ADNP: variants seen among roughly 807,000 people sequenced by gnomAD.
ADNP encodes the protein activity dependent neuroprotector homeobox, also known as activity-dependent neuroprotector homeobox protein.
A neutral mutation model predicts 84.9 loss-of-function variants in ADNP; 4 were observed. That is an observed-to-expected ratio of 0.05 (90% CI 0.02 to 0.11). ADNP has a LOEUF of 0.11. Among genes scored for constraint, ADNP ranks in the 10% least tolerant of loss-of-function variants. ADNP has a pLI of 1.00. For synonymous variants in ADNP, 554 were observed against 468.1 expected (o/e 1.18, Z -2.37); for missense variants, 1,132 against 1,326.0 (o/e 0.85, Z 2.27).
Position 50,891,921 on chromosome 20 carries a change from C to G in ADNP, c.2793G>C (p.Glu931Asp). ...SESEEKLDQKEDGSKYETIHL... is the reference protein window; with the variant it reads ...SESEEKLDQKDDGSKYETIHL... ...GAATAGTTTCGTATTTTGAACCATC[C>G]TCTTTTTGGTCTAGCTTCTCCTCAG... The change falls in exon 6 of 6, where the codon GAG (glutamate) becomes GAC (aspartate). Residue 931 changes from glutamate (E) to aspartate (D), a missense_variant. Physicochemically the swap from Glu to Asp is conservative, Grantham distance 45. Transcript: ENST00000621696. The G allele has an allele frequency of 6.2e-7, 1 of 1,614,206 alleles. No individual in the cohort carries two copies. The highest frequency in any genetic ancestry group is 8.5e-7 in the Non-Finnish European group (1 of 1,180,044).
In ADNP at chr20:50,894,895, C is replaced by CA. The variant is rs200789710; in HGVS notation, c.202-384dup. On this transcript the variant is annotated intron_variant, in intron 5 of 5. Transcript: ENST00000621696. ...CTGGGCGACAAGAGCGAAACTGTCTCAAAAAAAAGCACTGATTTTAGTATG... is the reference window on the plus strand; with the variant it reads ...CTGGGCGACAAGAGCGAAACTGTCTCAAAAAAAAAGCACTGATTTTAGTATG... Among the ~76,000 whole-genome samples, 336 of 150,624 alleles carry CA rather than the reference C, an allele frequency of 2.2e-3. 3 individuals are homozygous for CA. The East Asian group carries it at 0.024, about 11-fold the overall frequency.
intron 3 of ADNP, chr20:50,904,351 G>T (rs896387554): frequency 6.4e-5 from 12 of 188,296 alleles, no homozygotes; most frequent in African/African-American, 2.8e-4. Context: ...AAGAGGAAGG[G>T]ACTCCAGGAG....
At chr20:50,919,012 G>C (rs1486722299) in intron 2 of ADNP, among the ~76,000 whole-genome samples, 1 of 152,140 alleles carries the variant, frequency 6.6e-6, no homozygotes, top group East Asian at 1.9e-4. Context: ...GTTCATCACA[G>C]GTGATTTCAG....
intron 2 of ADNP, among the ~76,000 whole-genome samples, chr20:50,919,726 C>G (rs772140463): frequency 6.6e-6 from 1 of 152,180 alleles, no homozygotes; most frequent in Non-Finnish European, 1.5e-5. Context: ...TCTGCATTTA[C>G]TGCAAAAGAC....
intron 2 of ADNP, among the ~76,000 whole-genome samples, chr20:50,909,225 A>G (rs550141470): frequency 6.6e-6 from 1 of 152,004 alleles, no homozygotes; most frequent in African/African-American, 2.4e-5. Flanking sequence ...TTAGCTGGGC[A>G]TGGTGGCACA....
chr20:50,894,868 G>T (rs1262004252), intron 5 of ADNP, among the ~76,000 whole-genome samples: 14 of 152,164 alleles, frequency 9.2e-5, no homozygotes, highest in Non-Finnish European at 1.8e-4. Context: ...TTGCACTCCA[G>T]CCTGGGCGAC....
intron 1 of ADNP, 113 bp from the exon 2 acceptor site, chr20:50,928,938 TAATG>T (rs1292851819): frequency 2.0e-5 from 3 of 152,224 alleles, no homozygotes; most frequent in Non-Finnish European, 4.4e-5. Flanking sequence ...GCTGCTGAGA[TAATG>T]AATGGCAATT....
At chr20:50,920,538 C>T (rs553138937) in intron 2 of ADNP, among the ~76,000 whole-genome samples, 1 of 151,020 alleles carries the variant, frequency 6.6e-6, no homozygotes, top group Admixed American at 6.6e-5. Flanking sequence ...CCACTGCACT[C>T]CAGCCTGGAC....
chr20:50,922,519 G>C (rs1303343956), intron 2 of ADNP, among the ~76,000 whole-genome samples: 2 of 151,612 alleles, frequency 1.3e-5, no homozygotes, highest in South Asian at 2.1e-4. Context: ...CCTCTCTGGG[G>C]GCGCCACCCT....
Position 50,892,552 on chromosome 20 carries a change from T to A in ADNP, c.2162A>T (p.Gln721Leu), listed in dbSNP as rs2122746397. The change falls in exon 6 of 6, where the codon CAA (glutamine) becomes CTA (leucine). Residue 721 changes from glutamine (Q) to leucine (L), a missense_variant. By Grantham distance (113) the Gln-to-Leu change is moderately radical. Around this residue, in one of 10 missense-constraint regions of ADNP, gnomAD observed 101 missense variants for 78.5 expected, o/e 1.29. Coordinates refer to ENST00000621696, the MANE Select transcript of ADNP (RefSeq NM_001282531.3). ...TTTTTTCAGTAAGGGAAATTCCATTTGCTCGTAAGTGCGCTTCACAGGTGC... is the reference window on the plus strand; with the variant it reads ...TTTTTTCAGTAAGGGAAATTCCATTAGCTCGTAAGTGCGCTTCACAGGTGC... ...SLAPVKRTYEQMEFPLLKKRK... is the reference protein window; with the variant it reads ...SLAPVKRTYELMEFPLLKKRK... 5 of 1,614,242 alleles carry A rather than the reference T, an allele frequency of 3.1e-6. No homozygotes were observed. In the East Asian group the frequency reaches 1.1e-4, roughly 36 times the overall value.
At chr20:50,914,292 T>TG in intron 2 of ADNP, 1 of 698,966 alleles carries the variant, frequency 1.4e-6, no homozygotes, top group South Asian at 1.6e-5. Context: ...GCAAAACTGC[T>TG]GGTGTCCCAA....
At chr20:50,922,263 AGT>A (rs1286829603) in intron 2 of ADNP, among the ~76,000 whole-genome samples, 4 of 152,114 alleles carry the variant, frequency 2.6e-5, no homozygotes, top group African/African-American at 9.7e-5. Context: ...ACCTGGATAC[AGT>A]GTCATATTCC....
Position 50,931,173 on chromosome 20 carries a change from A to G in ADNP, c.-612T>C, listed in dbSNP as rs1984733069. On this transcript the variant is annotated 5_prime_UTR_variant, in exon 1 of 6. Transcript: ENST00000621696. Reference sequence around the variant, plus strand: ...CTCAGCAGCGGGGACCGAGAGAGGGAGCTGTGTCTGAGAAGACGCCAAAAT... The same window carrying G: ...CTCAGCAGCGGGGACCGAGAGAGGGGGCTGTGTCTGAGAAGACGCCAAAAT... The G allele has an allele frequency of 2.7e-5, 4 of 145,530 alleles. No homozygotes were observed. Among genetic ancestry groups the G allele is most frequent in the Non-Finnish European group, 4.5e-5 (3 of 66,102 alleles). 9.0% of individuals were successfully genotyped at this position (145,530 alleles called of 1,614,324 possible).
Position 50,894,279 on chromosome 20 carries a change from A to G in ADNP, c.435T>C (p.Asp145=). ...APSSSLSTFK[D]KNKNDGLKPK... is the part of the protein sequence containing the mutation. ...GTTTAAGGCCATCATTTTTGTTTTT[A>G]TCTTTGAAAGTGCTGAGGCTGCTAC... The change falls in exon 6 of 6, where the codon GAT becomes GAC. Residue 145 remains aspartate, a synonymous_variant. Transcript: ENST00000621696. 3 of 1,613,600 alleles carry G rather than the reference A, an allele frequency of 1.9e-6. No individual in the cohort carries two copies. Among genetic ancestry groups the G allele is most frequent in the Non-Finnish European group, 2.5e-6 (3 of 1,179,876 alleles).
rs772698299 is a variant in ADNP at position 50,893,486 on chromosome 20, G to A, written c.1228C>T (p.Pro410Ser). The A allele has an allele frequency of 1.9e-6, 3 of 1,613,958 alleles. No homozygotes were observed. In the Admixed American group the frequency reaches 5.0e-5, roughly 27 times the overall value. ...SSLSSGQLKSPSLSQSQASRV... is the reference protein window; with the variant it reads ...SSLSSGQLKSSSLSQSQASRV... ...GATGCCTGTGACTGAGAGAGGGAAG[G>A]AGACTTTAACTGGCCCGATGAGAGA... Residue 410 changes from proline to serine, a missense_variant, in exon 6 of 6, where the codon CCT (proline) becomes TCT (serine). Physicochemically the swap from Pro to Ser is moderately conservative, Grantham distance 74 (BLOSUM62 -1). Around this residue, in one of 10 missense-constraint regions of ADNP, gnomAD observed 239 missense variants for 213.2 expected, o/e 1.12. Transcript: ENST00000621696. This position sits in a 1 kb window ranked among gnomAD's most constrained non-coding sequence, Gnocchi z 4.4.
intron 1 of ADNP, 129 bp downstream of exon 1, chr20:50,930,697 G>A (rs1984662400): frequency 6.6e-6 from 1 of 152,462 alleles, no homozygotes; most frequent in Non-Finnish European, 1.5e-5. Flanking sequence ...GTGTGCGGCT[G>A]GAGGGCGGCG....
Position 50,892,049 on chromosome 20 carries a change from T to A in ADNP, c.2665A>T (p.Ser889Cys). The change falls in exon 6 of 6, where the codon AGT (serine) becomes TGT (cysteine). Residue 889 changes from serine to cysteine, a missense_variant. Transcript: ENST00000621696. ...FENLEEESNE[S>C]GSPFDPVFEV... ...AAAACAGGGTCAAAAGGGCTACCAC[T>A]TTCATTGGATTCTTCTTCCAAATTT... The A allele has an allele frequency of 6.2e-7, 1 of 1,614,210 alleles. No homozygotes were observed. The highest frequency in any genetic ancestry group is 8.5e-7 in the Non-Finnish European group (1 of 1,180,032).
intron 5 of ADNP, among the ~76,000 whole-genome samples, chr20:50,895,868 G>A (rs760677004): frequency 1.3e-5 from 2 of 152,198 alleles, no homozygotes; most frequent in East Asian, 1.9e-4. Context: ...TCAGCTTGCT[G>A]TGGTTTATAC....
In ADNP at chr20:50,892,943, G is replaced by A. The variant is rs771870178; in HGVS notation, c.1771C>T (p.Pro591Ser). The A allele has an allele frequency of 3.7e-6, 6 of 1,614,068 alleles. No homozygotes were observed. Among genetic ancestry groups the A allele is most frequent in the Non-Finnish European group, 4.2e-6 (5 of 1,180,048 alleles). The change falls in exon 6 of 6, where the codon CCA (proline) becomes TCA (serine). Residue 591 changes from proline to serine, a missense_variant. Around this residue, in one of 10 missense-constraint regions of ADNP, gnomAD observed 53 missense variants for 39.8 expected, o/e 1.33. Coordinates refer to ENST00000621696, the MANE Select transcript of ADNP (RefSeq NM_001282531.3). ...YHAQNNPPVPPKPQPKVQEKA... is the reference protein window; with the variant it reads ...YHAQNNPPVPSKPQPKVQEKA... Reference sequence around the variant, plus strand: ...TCCTGAACCTTTGGCTGTGGCTTTGGAGGAACTGGAGGATTATTTTGGGCA... The same window carrying A: ...TCCTGAACCTTTGGCTGTGGCTTTGAAGGAACTGGAGGATTATTTTGGGCA...
Sources: allele counts gnomAD v4.1 joint callset (sites outside exome capture counted in the v4.1 genomes callset), GRCh38; gene constraint gnomAD v4.1.1; regional missense constraint gnomAD v4.1.1; non-coding constraint Gnocchi (gnomAD v3.1); transcripts MANE v1.5; gene names NCBI Gene and HGNC (gene_info 2026-07-23, HGNC 2026-07-21).